The following KLHL8 variants were observed in gnomAD, a reference collection of about 807,000 sequenced individuals.
The protein encoded by KLHL8 is kelch-like protein 8.
A neutral mutation model predicts 63.5 loss-of-function variants in KLHL8; 38 were observed. That is an observed-to-expected ratio of 0.60 (90% CI 0.46 to 0.78). KLHL8 has a LOEUF of 0.78. Ranked by LOEUF, KLHL8 falls within the 30% of genes least tolerant of loss-of-function variation. The pLI, the probability that KLHL8 is intolerant of heterozygous loss-of-function variation, is 0.00. For missense variants in KLHL8, 566 were observed against 752.4 expected, an observed-to-expected ratio of 0.75 and a Z score of 2.90; for synonymous variants, 224 against 254.3, an observed-to-expected ratio of 0.88 and a Z score of 1.13.
chr4:87,168,634 TTTTA>T (rs1053581005), intron 8 of KLHL8, among the ~76,000 whole-genome samples: 33 of 150,694 alleles, frequency 2.2e-4, no homozygotes, highest in African/African-American at 7.8e-4. Context: ...CACTGGAGAT[TTTTA>T]TTTTTTAAAA....
Position 87,230,242 on chromosome 4 carries a change from A to G in KLHL8, n.58-8852T>C, listed in dbSNP as rs181441651. Among the ~76,000 whole-genome samples, 341 of 152,308 alleles carry G rather than the reference A, an allele frequency of 2.2e-3. 1 individual carries two copies. The highest frequency in any genetic ancestry group is 3.8e-3 in the Non-Finnish European group (260 of 68,032). ...AGCTAACTCATGACAACCCTGCAAG[A>G]ACGGAGCTGAGAGAGAAACACCCCA... On this transcript the variant is annotated intron_variant and non_coding_transcript_variant, in intron 1 of 1. Coordinates refer to the KLHL8 transcript ENST00000506274.
intron 4 of KLHL8, among the ~76,000 whole-genome samples, chr4:87,181,296 A>T (rs1242239400): frequency 6.8e-6 from 1 of 147,090 alleles, no homozygotes; most frequent in Non-Finnish European, 1.5e-5. Context: ...AAAAAAAAAA[A>T]TTTGCCCGGC....
chr4:87,166,263 C>G (rs557015902), intron 8 of KLHL8, among the ~76,000 whole-genome samples: 1 of 152,288 alleles, frequency 6.6e-6, no homozygotes, highest in South Asian at 2.1e-4. Flanking sequence ...TACACATGAG[C>G]ACTGAAAGAT....
intron 2 of KLHL8, among the ~76,000 whole-genome samples, chr4:87,194,238 C>A (rs1731604309): frequency 6.6e-6 from 1 of 152,176 alleles, no homozygotes; most frequent in Non-Finnish European, 1.5e-5. Flanking sequence ...CTTCTGCCTT[C>A]CATGTGAGGA....
At chr4:87,168,815 CAT>C (rs35069132) in intron 8 of KLHL8, among the ~76,000 whole-genome samples, 141,155 of 148,076 alleles carry the variant, frequency 0.95, 67,627 homozygotes, top group Non-Finnish European at 1. Flanking sequence ...TATACACACA[CAT>C]ATATATATAT....
intron 2 of KLHL8, among the ~76,000 whole-genome samples, chr4:87,195,089 AAG>A (rs1464975518): frequency 1.3e-5 from 2 of 152,248 alleles, no homozygotes; most frequent in Non-Finnish European, 2.9e-5. Flanking sequence ...GAAGTTAACT[AAG>A]AGATAATGAA....
intron 1 of KLHL8, among the ~76,000 whole-genome samples, chr4:87,233,988 A>G (rs1201668291): frequency 6.6e-6 from 1 of 152,260 alleles, no homozygotes; most frequent in Admixed American, 6.5e-5. Flanking sequence ...ACTATTTGTC[A>G]CAATCAGTGT....
chr4:87,171,582 T>A (rs1414527847), intron 6 of KLHL8, among the ~76,000 whole-genome samples: 1 of 152,230 alleles, frequency 6.6e-6, no homozygotes, highest in Admixed American at 6.5e-5. Flanking sequence ...TGAGAACAAG[T>A]ACATGTGTTC....
At chr4:87,224,767 G>A (rs184281658), upstream of KLHL8, among the ~76,000 whole-genome samples, 38 of 152,226 alleles carry the variant, frequency 2.5e-4, no homozygotes, top group African/African-American at 8.9e-4. Flanking sequence ...ACCTTAGGCT[G>A]GTGGCTCAAC....
chr4:87,196,493 C>T (rs1731706142), intron 1 of KLHL8, among the ~76,000 whole-genome samples: 1 of 152,048 alleles, frequency 6.6e-6, no homozygotes, highest in Non-Finnish European at 1.5e-5. Flanking sequence ...CCTGCTTAGA[C>T]CTCGATCTCT....
chr4:87,223,165 G>A (rs1431459242), upstream of KLHL8, among the ~76,000 whole-genome samples: 3 of 110,370 alleles, frequency 2.7e-5, no homozygotes, highest in African/African-American at 6.0e-5. Flanking sequence ...TAGAGATGGG[G>A]TTTCTCCATG....
intron 9 of KLHL8, 23 bp from the exon 10 acceptor site, chr4:87,163,665 A>C (rs747139451): frequency 6.2e-7 from 1 of 1,611,896 alleles, no homozygotes; most frequent in South Asian, 1.1e-5. Context: ...AGAAGAAAAA[A>C]TGTTACAAAG....
intron 1 of KLHL8, among the ~76,000 whole-genome samples, chr4:87,233,465 C>T (rs1051996026): frequency 1.3e-5 from 2 of 151,966 alleles, no homozygotes; most frequent in African/African-American, 4.8e-5. Context: ...TCCAGCTACT[C>T]GGGAGGCTGA....
chr4:87,226,114 CT>C (rs1460977539), intron 1 of KLHL8, among the ~76,000 whole-genome samples: 2 of 152,144 alleles, frequency 1.3e-5, no homozygotes, highest in East Asian at 3.8e-4. Flanking sequence ...TTTTCAGTAA[CT>C]ATTTTTGAAA....
At chr4:87,190,690 T>C (rs1041135874) in intron 2 of KLHL8, among the ~76,000 whole-genome samples, 1 of 151,484 alleles carries the variant, frequency 6.6e-6, no homozygotes, top group Admixed American at 6.6e-5. Flanking sequence ...CAGGCTGCTA[T>C]AACAAACTAT....
intron 1 of KLHL8, among the ~76,000 whole-genome samples, chr4:87,229,949 C>T (rs1423749405): frequency 6.6e-6 from 1 of 152,124 alleles, no homozygotes; most frequent in African/African-American, 2.4e-5. Flanking sequence ...CCCTTCTCAA[C>T]GTGAGCCCTT....
intron 2 of KLHL8, among the ~76,000 whole-genome samples, chr4:87,190,374 G>A (rs1731434133): frequency 6.6e-6 from 1 of 152,200 alleles, no homozygotes; most frequent in East Asian, 1.9e-4. Flanking sequence ...GCCAGGGGCA[G>A]TGGCTCATGC....
At chr4:87,225,038 G>A (rs1005808), upstream of KLHL8, among the ~76,000 whole-genome samples, 43,309 of 151,802 alleles carry the variant, frequency 0.29, 7,434 homozygotes, top group Non-Finnish European at 0.39. Flanking sequence ...TTAGCTTCCC[G>A]CCTTAGCCTT....
intron 8 of KLHL8, among the ~76,000 whole-genome samples, chr4:87,164,882 C>T (rs1422469955): frequency 2.6e-5 from 4 of 152,066 alleles, no homozygotes; most frequent in East Asian, 1.9e-4. Flanking sequence ...GGCGCGGTGG[C>T]TCACGCCTGT....
Sources: allele counts gnomAD v4.1 joint callset (sites outside exome capture counted in the v4.1 genomes callset), GRCh38; gene constraint gnomAD v4.1.1; transcripts MANE v1.5; gene names NCBI Gene and HGNC (gene_info 2026-07-23, HGNC 2026-07-21).